Variants in LRMDA observed in about 807,000 individuals in gnomAD.
The protein encoded by LRMDA is leucine-rich melanocyte differentiation-associated protein.
In LRMDA, 18 loss-of-function variants were observed where a neutral mutation model predicts 29.8. The ratio of observed to expected loss-of-function variants is 0.60; its 90% CI spans 0.42 to 0.90. The LOEUF is 0.90. LRMDA is among the 40% of genes least tolerant of loss of function. The pLI is 0.00. For missense variants in LRMDA, 273 were observed against 273.9 expected (o/e 1.00, Z 0.02); for synonymous variants, 125 against 109.4 (o/e 1.14, Z -0.89).
At chr10:76,299,085 A>G (rs951209367) in intron 5 of LRMDA, among the ~76,000 whole-genome samples, 6 of 152,078 alleles carry the variant, frequency 3.9e-5, no homozygotes, top group Admixed American at 1.3e-4. Flanking sequence ...AACTAAGGCA[A>G]TGAGACAGAA....
chr10:75,597,341 G>T (rs925373287), intron 2 of LRMDA, among the ~76,000 whole-genome samples: 2 of 152,168 alleles, frequency 1.3e-5, no homozygotes, highest in African/African-American at 4.8e-5. Flanking sequence ...TTGTTTTGGA[G>T]AAATCTTGAG....
At chr10:76,093,094 G>C (rs1207959398) in intron 5 of LRMDA, among the ~76,000 whole-genome samples, 4 of 152,112 alleles carry the variant, frequency 2.6e-5, no homozygotes, top group African/African-American at 9.7e-5. Context: ...CTGGAGTGCA[G>C]TGACATGATC....
chr10:75,489,969 A>G (rs1157568762), intron 2 of LRMDA, among the ~76,000 whole-genome samples: 3 of 152,202 alleles, frequency 2.0e-5, no homozygotes, highest in Non-Finnish European at 4.4e-5. Flanking sequence ...GAACAACCCA[A>G]TGGGATATTG....
At chr10:76,258,705 A>G (rs563295981) in intron 5 of LRMDA, among the ~76,000 whole-genome samples, 3 of 152,102 alleles carry the variant, frequency 2.0e-5, no homozygotes, top group Non-Finnish European at 2.9e-5. Flanking sequence ...GAGTGAGAAC[A>G]TGTGGTGTTT....
chr10:75,645,175 G>A (rs1347944522), intron 2 of LRMDA, among the ~76,000 whole-genome samples: 1 of 152,090 alleles, frequency 6.6e-6, no homozygotes, highest in East Asian at 1.9e-4. Flanking sequence ...TGGAGAAGGA[G>A]TTTTGCCATG....
intron 1 of LRMDA, among the ~76,000 whole-genome samples, chr10:75,433,096 T>C (rs538989502): frequency 6.6e-6 from 1 of 152,052 alleles, no homozygotes; most frequent in Non-Finnish European, 1.5e-5. Flanking sequence ...GGCTTTTTTT[T>C]TCTGGGAGTT....
intron 1 of LRMDA, among the ~76,000 whole-genome samples, chr10:75,435,937 C>G (rs1844258967): frequency 6.6e-6 from 1 of 151,950 alleles, no homozygotes; most frequent in African/African-American, 2.4e-5. Context: ...AAACTCATGT[C>G]TGCCTGGTAT....
chr10:75,608,108 G>GCA (rs1840979118), intron 2 of LRMDA, among the ~76,000 whole-genome samples: 4 of 88,446 alleles, frequency 4.5e-5, no homozygotes, highest in Non-Finnish European at 9.8e-5. Flanking sequence ...ATTGTAGTGT[G>GCA]TGTATATATA....
intron 6 of LRMDA, among the ~76,000 whole-genome samples, chr10:76,490,759 T>C (rs774584439): frequency 6.6e-6 from 1 of 151,980 alleles, no homozygotes; most frequent in Non-Finnish European, 1.5e-5. Flanking sequence ...ATTGGAGAAT[T>C]CAGTCCATTT....
At chr10:75,974,904 A>G (rs1847044323) in intron 2 of LRMDA, among the ~76,000 whole-genome samples, 1 of 152,176 alleles carries the variant, frequency 6.6e-6, no homozygotes, top group African/African-American at 2.4e-5. Flanking sequence ...TTAGCTGCTG[A>G]TAATAATGAT....
At chr10:75,957,038 T>A (rs535416258) in intron 2 of LRMDA, among the ~76,000 whole-genome samples, 2 of 152,354 alleles carry the variant, frequency 1.3e-5, no homozygotes, top group East Asian at 3.9e-4. Context: ...TATACTTTTT[T>A]AATGGTCACA....
At chr10:75,697,321 C>CT (rs72000719) in intron 2 of LRMDA, among the ~76,000 whole-genome samples, 59,876 of 144,942 alleles carry the variant, frequency 0.41, 15,373 homozygotes, top group African/African-American at 0.74. Flanking sequence ...TTTATTTTAC[C>CT]TTTTTTTTTT....
At chr10:76,424,845 C>T (rs1265110663) in intron 6 of LRMDA, among the ~76,000 whole-genome samples, 2 of 152,154 alleles carry the variant, frequency 1.3e-5, no homozygotes, top group African/African-American at 4.8e-5. Context: ...AGTTATTTCT[C>T]CAACCTGTAC....
At chr10:75,845,131 A>C (rs1844610757) in intron 2 of LRMDA, among the ~76,000 whole-genome samples, 1 of 152,098 alleles carries the variant, frequency 6.6e-6, no homozygotes, top group Admixed American at 6.5e-5. Context: ...TTTTTACAAA[A>C]GTTTCTTGGG....
At chr10:76,346,474 C>T (rs1313504839) in intron 6 of LRMDA, 4 of 152,068 alleles carry the variant, frequency 2.6e-5, no homozygotes, top group African/African-American at 9.7e-5. Context: ...ACTTGCTGTA[C>T]TCTGTCACTG....
At chr10:76,426,907 G>A (rs1238588257) in intron 6 of LRMDA, among the ~76,000 whole-genome samples, 1 of 152,104 alleles carries the variant, frequency 6.6e-6, no homozygotes, top group Non-Finnish European at 1.5e-5. Flanking sequence ...AAAGATCAGA[G>A]AGTTGTAGAT....
At chr10:75,801,495 G>A (rs1843743109) in intron 2 of LRMDA, among the ~76,000 whole-genome samples, 1 of 152,138 alleles carries the variant, frequency 6.6e-6, no homozygotes. Flanking sequence ...TCTGCTTTTG[G>A]TAGCTTTCCA....
intron 2 of LRMDA, among the ~76,000 whole-genome samples, chr10:75,953,128 A>G (rs1846605759): frequency 6.6e-6 from 1 of 151,920 alleles, no homozygotes; most frequent in Admixed American, 6.6e-5. Flanking sequence ...GCTTGAGTGC[A>G]GGGGTGTGAT....
chr10:76,392,670 A>T (rs76091532), intron 6 of LRMDA, among the ~76,000 whole-genome samples: 5 of 151,688 alleles, frequency 3.3e-5, no homozygotes, highest in Admixed American at 6.6e-5. Flanking sequence ...TGTGTCACAT[A>T]GTTTATTATT....
Sources: gnomAD v4.1 joint callset for allele counts (sites outside exome capture counted in the v4.1 genomes callset) on GRCh38, gnomAD v4.1.1 for gene constraint, MANE v1.5 for transcripts, NCBI Gene and HGNC (gene_info 2026-07-23, HGNC 2026-07-21) for gene names.